Variants in MOBP observed in about 807,000 individuals in gnomAD.
MOBP encodes the protein myelin-associated oligodendrocyte basic protein.
MOBP carries 5 observed loss-of-function variants against 15.0 expected under a neutral mutation model. The ratio of observed to expected loss-of-function variants is 0.33; its 90% confidence interval spans 0.17 to 0.70. The LOEUF (loss-of-function observed/expected upper bound fraction) is 0.70. Ranked by LOEUF, MOBP falls within the 30% of genes least tolerant of loss-of-function variation. MOBP has a pLI of 0.67. For synonymous variants in MOBP, 88 were observed against 99.0 expected, an observed-to-expected ratio of 0.89 and a Z score of 0.66; for missense variants, 188 against 257.8, an observed-to-expected ratio of 0.73 and a Z score of 1.85.
At chr3:39,496,448 C>G (rs1339084214) in intron 2 of MOBP, among the ~76,000 whole-genome samples, 1 of 151,772 alleles carries the variant, frequency 6.6e-6, no homozygotes, top group Non-Finnish European at 1.5e-5. Context: ...ATCCGCCCAC[C>G]TTGGCCTCCC....
chr3:39,522,411 C>A (rs1292898973), intron 3 of MOBP, among the ~76,000 whole-genome samples: 1 of 152,194 alleles, frequency 6.6e-6, no homozygotes, highest in Non-Finnish European at 1.5e-5. Context: ...AGAGCAAGAA[C>A]CATGGCTTTA....
In MOBP at chr3:39,502,031, G is replaced by T; in HGVS notation, c.-4-35G>T. On this transcript the variant is annotated intron_variant, in intron 2 of 3. Transcript: ENST00000684792. The surrounding 1 kb of genome is among the most constrained non-coding windows in gnomAD (Gnocchi z 6.3). ...GCTCCCTTTCCTGATGTGCGTTTAT[G>T]TCTCCTCCTGTCTCCTTGCATCGGC... 1 of 1,575,140 alleles carries T rather than the reference G, an allele frequency of 6.3e-7. No individual in the cohort carries two copies. Among genetic ancestry groups the T allele is most frequent in the Non-Finnish European group, 8.7e-7 (1 of 1,146,210 alleles).
At chr3:39,524,906 A>G (rs1262840434), downstream of MOBP, 1 of 152,208 alleles carries the variant, frequency 6.6e-6, no homozygotes, top group Non-Finnish European at 1.5e-5. Context: ...AGATAGATAA[A>G]TTTAGAGGAC....
chr3:39,503,304 G>C (rs496294), downstream of MOBP, among the ~76,000 whole-genome samples: 139,666 of 152,256 alleles, frequency 0.92, 64,707 homozygotes, highest in Middle Eastern at 0.98. Context: ...GTCAATCTCA[G>C]TGGCAATACC....
chr3:39,517,187 G>A (rs1326039743), downstream of MOBP, among the ~76,000 whole-genome samples: 2 of 152,186 alleles, frequency 1.3e-5, no homozygotes, highest in African/African-American at 4.8e-5. Flanking sequence ...TGTAGTAGAG[G>A]TATACACTTG....
chr3:39,499,269 C>T (rs965013977), intron 2 of MOBP, among the ~76,000 whole-genome samples: 6 of 152,160 alleles, frequency 3.9e-5, no homozygotes, highest in South Asian at 2.1e-4. Flanking sequence ...AAGGGCTTAG[C>T]AGACGTTTAG....
chr3:39,514,974 G>A (rs1214102017), exon 5 of MOBP: 3 of 2,314 alleles, frequency 1.3e-3, no homozygotes, highest in South Asian at 4.0e-3. Flanking sequence ...GCGTGTGTGT[G>A]TGTGTGTGTG....
intron 2 of MOBP, among the ~76,000 whole-genome samples, chr3:39,500,649 G>T (rs1427577289): frequency 6.6e-6 from 1 of 152,166 alleles, no homozygotes; most frequent in African/African-American, 2.4e-5. Context: ...ATGAGTGAGT[G>T]AGTGGAAGAT....
chr3:39,518,749 A>G (rs1176387050), downstream of MOBP, among the ~76,000 whole-genome samples: 1 of 152,216 alleles, frequency 6.6e-6, no homozygotes, highest in Admixed American at 6.5e-5. Context: ...CTCAATAGAC[A>G]TTCTGACTAT....
intron 2 of MOBP, among the ~76,000 whole-genome samples, chr3:39,484,912 T>C (rs2042679900): frequency 6.6e-6 from 1 of 152,232 alleles, no homozygotes; most frequent in Non-Finnish European, 1.5e-5. Flanking sequence ...CATTAGTTTG[T>C]CCTTGTTGCC....
chr3:39,502,572 C>A lies in MOBP; in HGVS notation c.244C>A (p.Gln82Lys), dbSNP rs1333053266. Reference sequence around the variant, plus strand: ...TGCCAAGTCCCCTCAGAGGCCCAAGCAACAGCCAGCTGCGCCCCCCGCGGT... The same window carrying A: ...TGCCAAGTCCCCTCAGAGGCCCAAGAAACAGCCAGCTGCGCCCCCCGCGGT... The part of the protein sequence containing the change: ...RRAKSPQRPK[Q>K]QPAAPPAVVR... Residue 82 changes from glutamine to lysine, a missense_variant, in exon 4 of 4, where the codon CAA becomes AAA. Gln to Lys is a moderately conservative substitution (Grantham distance 53). This residue lies in a region of MOBP where 133 missense variants were observed against 212.5 expected (regional missense o/e 0.63). Coordinates refer to ENST00000684792, the MANE Select transcript of MOBP (RefSeq NM_001393704.1). The surrounding 1 kb of genome is among the most constrained non-coding windows in gnomAD (Gnocchi z 6.3). 3 of 1,579,362 alleles carry A rather than the reference C, an allele frequency of 1.9e-6. No homozygotes were observed. The highest frequency in any genetic ancestry group is 1.7e-6 in the Non-Finnish European group (2 of 1,171,758).
chr3:39,477,373 C>T (rs1238372121), intron 1 of MOBP, among the ~76,000 whole-genome samples: 1 of 151,592 alleles, frequency 6.6e-6, no homozygotes, highest in Non-Finnish European at 1.5e-5. Flanking sequence ...CTGAAAAATT[C>T]GTGTCATCTA....
intron 4 of MOBP, among the ~76,000 whole-genome samples, chr3:39,510,888 T>C (rs2043111269): frequency 6.6e-6 from 1 of 152,234 alleles, no homozygotes; most frequent in Admixed American, 6.5e-5. Context: ...TCTGGCTTAT[T>C]ACAAGGGATT....
chr3:39,478,495 G>T (rs2042573705), intron 1 of MOBP, among the ~76,000 whole-genome samples: 1 of 152,168 alleles, frequency 6.6e-6, no homozygotes, highest in South Asian at 2.1e-4. Flanking sequence ...TATTTTCCCA[G>T]TGGTTCCCTA....
chr3:39,492,485 G>C (rs565278417), intron 2 of MOBP, among the ~76,000 whole-genome samples: 1 of 152,142 alleles, frequency 6.6e-6, no homozygotes, highest in Non-Finnish European at 1.5e-5. Context: ...TAGAGTTTTG[G>C]TTGCTCTCTT....
At chr3:39,496,509 T>A (rs972846343) in intron 2 of MOBP, among the ~76,000 whole-genome samples, 7 of 151,480 alleles carry the variant, frequency 4.6e-5, no homozygotes, top group Non-Finnish European at 1.0e-4. Flanking sequence ...TCCTTTTCTT[T>A]TTTTTTTGAG....
chr3:39,491,878 G>A (rs1291323572), intron 2 of MOBP, among the ~76,000 whole-genome samples: 2 of 152,188 alleles, frequency 1.3e-5, no homozygotes, highest in Non-Finnish European at 2.9e-5. Flanking sequence ...ATGTGGGTAT[G>A]GTGTAGTAGA....
At chr3:39,512,475 G>A (rs1322900510) in intron 4 of MOBP, among the ~76,000 whole-genome samples, 1 of 150,412 alleles carries the variant, frequency 6.6e-6, no homozygotes, top group Non-Finnish European at 1.5e-5. Flanking sequence ...CACTCTACAA[G>A]TTTTAATAAC....
intron 1 of MOBP, among the ~76,000 whole-genome samples, chr3:39,468,976 A>G (rs1015393873): frequency 1.0e-4 from 12 of 114,492 alleles, no homozygotes; most frequent in Admixed American, 5.9e-4. Flanking sequence ...GTGTGTATAT[A>G]TACATATATA....
Sources: gnomAD v4.1 joint callset for allele counts (sites outside exome capture counted in the v4.1 genomes callset) on GRCh38, gnomAD v4.1.1 for gene constraint, gnomAD v4.1.1 regional missense constraint, Gnocchi (gnomAD v3.1) non-coding constraint, MANE v1.5 for transcripts, NCBI Gene and HGNC (gene_info 2026-07-23, HGNC 2026-07-21) for gene names.